Variants in TGM2 observed in about 807,000 individuals in gnomAD.
TGM2 encodes the protein transglutaminase 2.
TGM2 carries 53 observed loss-of-function variants against 75.6 expected under a neutral mutation model. The ratio of observed to expected loss-of-function variants is 0.70; its 90% CI spans 0.56 to 0.88. The LOEUF is 0.88. Among genes scored for constraint, TGM2 ranks in the 40% least tolerant of loss-of-function variants. TGM2 has a pLI of 0.00. For synonymous variants in TGM2, 374 were observed against 381.1 expected (o/e 0.98, Z 0.22); for missense variants, 842 against 928.5 (o/e 0.91, Z 1.21).
chr20:38,146,653 C>T, intron 6 of TGM2, 64 bp downstream of exon 6: 1 of 1,593,664 alleles, frequency 6.3e-7, no homozygotes. Context: ...GTCCTGATTC[C>T]TACTCCAGTG....
rs142923813 is a variant in TGM2, at chr20:38,130,654, G to A, written c.1914-285C>T. Among the ~76,000 whole-genome samples the A allele has an allele frequency of 8.7e-4, 133 of 152,334 alleles. 1 individual carries two copies. Among genetic ancestry groups the A allele is most frequent in the African/African-American group, 2.9e-3 (121 of 41,558 alleles). ...TGAAAATGTATTGAGCTGTACATAG[G>A]TGATCTGTGCTTTTTACTGTATATA... On this transcript the variant is annotated intron_variant, in intron 12 of 12. Transcript: ENST00000361475.
In TGM2 at chr20:38,161,542, G is replaced by A. The variant is rs147890243; in HGVS notation, c.68C>T (p.Thr23Met). The A allele has an allele frequency of 2.3e-5, 37 of 1,614,082 alleles. No individual in the cohort carries two copies. Among genetic ancestry groups the A allele is most frequent in the Middle Eastern group, 1.6e-4 (1 of 6,084 alleles). The change falls in exon 2 of 13, where the codon ACG becomes ATG. Residue 23 changes from threonine (T) to methionine (M), a missense_variant. Coordinates refer to ENST00000361475, the MANE Select transcript of TGM2 (RefSeq NM_004613.4). ...CAGCTTCTCCCGGCACAGGTCGGCCGTGTGGTGGTCTCGGCCATTGGTCTC... is the reference window on the plus strand; with the variant it reads ...CAGCTTCTCCCGGCACAGGTCGGCCATGTGGTGGTCTCGGCCATTGGTCTC... ...ELETNGRDHH[T>M]ADLCREKLVV... is the part of the protein sequence containing the mutation.
Position 38,131,163 on chromosome 20 carries a change from C to G in TGM2, c.1843G>C (p.Val615Leu), listed in dbSNP as rs750812125. 2 of 1,613,776 alleles carry G rather than the reference C, an allele frequency of 1.2e-6. No individual in the cohort carries two copies. The highest frequency in any genetic ancestry group is 2.7e-5 in the African/African-American group (2 of 74,884). The change falls in exon 12 of 13, where the codon GTG becomes CTG. Residue 615 changes from valine to leucine, a missense_variant. Coordinates refer to ENST00000361475, the MANE Select transcript of TGM2 (RefSeq NM_004613.4). Reference protein sequence around the residue: ...AEVSLQNPLPVALEGCTFTVE... With the variant: ...AEVSLQNPLPLALEGCTFTVE... Reference sequence around the variant, plus strand: ...GTGAAGGTGCAGCCTTCCAGGGCCACAGGGAGCGGGTTCTGCAGGGACACC... The same window carrying G: ...GTGAAGGTGCAGCCTTCCAGGGCCAGAGGGAGCGGGTTCTGCAGGGACACC...
chr20:38,146,942 G>A (rs780388131), intron 5 of TGM2, 48 bp from the exon 6 acceptor site: 31 of 1,588,124 alleles, frequency 2.0e-5, no homozygotes, highest in East Asian at 9.1e-5. Flanking sequence ...ATGGGGTGTC[G>A]GCTGTGCCGC....
intron 5 of TGM2, 28 bp from the exon 6 acceptor site, chr20:38,146,922 T>C: frequency 6.2e-7 from 1 of 1,607,568 alleles, no homozygotes; most frequent in South Asian, 1.1e-5. Context: ...GCACGGGGAC[T>C]GAGCCTGGGA....
intron 1 of TGM2, among the ~76,000 whole-genome samples, chr20:38,164,043 T>C (rs540396588): frequency 1.3e-5 from 2 of 152,306 alleles, no homozygotes; most frequent in Admixed American, 1.3e-4. Flanking sequence ...AAGTGGCCAC[T>C]GTGACATGGG....
chr20:38,163,894 T>C (rs573620250), intron 1 of TGM2, among the ~76,000 whole-genome samples: 1 of 152,242 alleles, frequency 6.6e-6, no homozygotes, highest in Non-Finnish European at 1.5e-5. Flanking sequence ...GCTGGGGCAT[T>C]TTCTCCATCT....
upstream of TGM2, among the ~76,000 whole-genome samples, chr20:38,167,933 G>A (rs906084734): frequency 6.6e-6 from 1 of 152,132 alleles, no homozygotes; most frequent in African/African-American, 2.4e-5. Context: ...GTAAAATGGG[G>A]GCAGTATTGG....
At chr20:38,146,677 C>G (rs1343342118) in intron 6 of TGM2, 40 bp downstream of exon 6, 10 of 1,611,466 alleles carry the variant, frequency 6.2e-6, no homozygotes, top group African/African-American at 1.3e-5. Flanking sequence ...TTCGTGCCCC[C>G]TCCCAGGGCT....
At chr20:38,142,972 A>G (rs996373324) in intron 6 of TGM2, among the ~76,000 whole-genome samples, 2 of 152,224 alleles carry the variant, frequency 1.3e-5, no homozygotes, top group African/African-American at 4.8e-5. Flanking sequence ...CATCATTTGC[A>G]TTCATAGCAC....
intron 5 of TGM2, among the ~76,000 whole-genome samples, chr20:38,147,359 G>T (rs892614658): frequency 6.6e-6 from 1 of 152,156 alleles, no homozygotes; most frequent in South Asian, 2.1e-4. Flanking sequence ...GCACCCACGG[G>T]CCCTGCTCAC....
Position 38,129,179 on chromosome 20 carries a change from T to G in TGM2, c.*1040A>C, listed in dbSNP as rs1420816499. The G allele has an allele frequency of 6.6e-6, 1 of 152,250 alleles. No homozygotes were observed. The highest frequency in any genetic ancestry group is 6.5e-5 in the Admixed American group (1 of 15,276). The allele number at this position is 152,250 out of a possible 1,614,324, so 9.4% of individuals were successfully genotyped here. ...GGGCCATATAAAAGCATTGCAAACA[T>G]GGAGTGGAGAGGATCCTTGGAGATG... On this transcript the variant is annotated 3_prime_UTR_variant, in exon 13 of 13. Coordinates refer to ENST00000361475, the MANE Select transcript of TGM2 (RefSeq NM_004613.4).
upstream of TGM2, chr20:38,165,321 G>T (rs2075300348): frequency 2.7e-6 from 4 of 1,475,260 alleles, no homozygotes; most frequent in Non-Finnish European, 3.7e-6. Context: ...GGCGGGCCGG[G>T]GGCGGGGCCC....
At chr20:38,138,451 G>A (rs1189859764) in intron 9 of TGM2, 66 bp from the exon 10 acceptor site, 3 of 1,609,408 alleles carry the variant, frequency 1.9e-6, no homozygotes, top group Non-Finnish European at 2.5e-6. Context: ...GGCTGCAACA[G>A]GGCGAGCTGT....
chr20:38,139,566 C>A lies in TGM2; in HGVS notation c.1188G>T (p.Glu396Asp), dbSNP rs2074944530. The change falls in exon 9 of 13, where the codon GAG becomes GAT. Residue 396 changes from glutamate (E) to aspartate (D), a missense_variant. Transcript: ENST00000361475. ...TCCAGTCTACCACGTCGGCATTGAC[C>A]TCCGCAAAGACAAAGGGCGCATCGT... ...TKYDAPFVFAEVNADVVDWIQ... is the reference protein window; with the variant it reads ...TKYDAPFVFADVNADVVDWIQ... The A allele has an allele frequency of 1.2e-6, 2 of 1,614,188 alleles. No individual in the cohort carries two copies. The highest frequency in any genetic ancestry group is 1.7e-6 in the Non-Finnish European group (2 of 1,180,034).
In TGM2 at chr20:38,155,857, G is replaced by GGT; in HGVS notation, c.422_423insAC (p.Trp142ProfsTer50). 5.0e-6 allele frequency: 8 copies of GGT among 1,598,776 alleles called. No individual in the cohort carries two copies. Among genetic ancestry groups the GGT allele is most frequent in the Non-Finnish European group, 6.0e-6 (7 of 1,173,460 alleles). ...TGGCGTGTGGCTCACCTGGGCACCA[G>GGT]GCGTTGAAGAGCAAAATGAAGTGGC... On this transcript the variant is annotated frameshift_variant, in exon 3 of 13. Transcript: ENST00000361475. LOFTEE classifies it high-confidence loss of function.
At chr20:38,137,472 G>GCAAA (rs1000081758) in intron 10 of TGM2, among the ~76,000 whole-genome samples, 3 of 152,108 alleles carry the variant, frequency 2.0e-5, no homozygotes, top group South Asian at 2.1e-4. Flanking sequence ...AAAAAAACAA[G>GCAAA]CAAACAAACA....
chr20:38,138,154 C>T lies in TGM2; in HGVS notation c.1574G>A (p.Gly525Asp). The T allele has an allele frequency of 6.2e-7, 1 of 1,602,556 alleles. No homozygotes were observed. The highest frequency in any genetic ancestry group is 8.5e-7 in the Non-Finnish European group (1 of 1,174,688). ...SYNGILGPEC[G>D]TKYLLNLNLE... ...GTTGAGGTTGAGCAGGTACTTGGTGCCACACTCGGGCCCCAAGATCCCATT... is the reference window on the plus strand; with the variant it reads ...GTTGAGGTTGAGCAGGTACTTGGTGTCACACTCGGGCCCCAAGATCCCATT... The change falls in exon 10 of 13, where the codon GGC (glycine) becomes GAC (aspartate). Residue 525 changes from glycine to aspartate, a missense_variant. Physicochemically the swap from Gly to Asp is moderately conservative, Grantham distance 94. Transcript: ENST00000361475.
intron 3 of TGM2, 114 bp from the exon 4 acceptor site, chr20:38,151,171 A>G: frequency 1.3e-6 from 1 of 773,860 alleles, no homozygotes; most frequent in African/African-American, 1.7e-5. Flanking sequence ...TCAGGGATCC[A>G]TCCTTCTTTT....
Sources: allele counts gnomAD v4.1 joint callset (sites outside exome capture counted in the v4.1 genomes callset), GRCh38; gene constraint gnomAD v4.1.1; transcripts MANE v1.5; gene names NCBI Gene and HGNC (gene_info 2026-07-23, HGNC 2026-07-21).